GRIP1: variants seen among roughly 807,000 people sequenced by gnomAD.
The protein encoded by GRIP1 is glutamate receptor-interacting protein 1.
Under a neutral mutation model 129.9 loss-of-function variants are expected in GRIP1, and 45 were observed. The observed-to-expected ratio is 0.35, with a 90% CI of 0.27 to 0.44. The LOEUF (loss-of-function observed/expected upper bound fraction) is 0.44. Among genes scored for constraint, GRIP1 ranks in the 20% least tolerant of loss-of-function variants. GRIP1 has a pLI of 1.00. For missense variants in GRIP1, 1,196 were observed against 1,396.8 expected (o/e 0.86, Z 2.29); for synonymous variants, 530 against 520.8 (o/e 1.02, Z -0.24).
At chr12:66,719,551 G>A (rs1394699045) in intron 1 of GRIP1, among the ~76,000 whole-genome samples, 1 of 152,032 alleles carries the variant, frequency 6.6e-6, no homozygotes, top group African/African-American at 2.4e-5. Flanking sequence ...TTTCAGGGGA[G>A]GACTCAAAAG....
At chr12:67,046,525 C>G (rs1418658112) in intron 1 of GRIP1, among the ~76,000 whole-genome samples, 7 of 152,152 alleles carry the variant, frequency 4.6e-5, no homozygotes, top group African/African-American at 1.7e-4. Flanking sequence ...TTACATAGAA[C>G]ATAATAATAA....
chr12:66,793,142 T>C lies in GRIP1; in HGVS notation c.-420+10911A>G, dbSNP rs372048490. Among the ~76,000 whole-genome samples, 222 of 152,354 alleles carry C rather than the reference T, an allele frequency of 1.5e-3. 2 individuals are homozygous for C. Among genetic ancestry groups the C allele is most frequent in the African/African-American group, 5.1e-3 (212 of 41,580 alleles). On this transcript the variant is annotated intron_variant, in intron 1 of 4. Transcript: ENST00000538373. The stretch of plus-strand genomic sequence containing the variant: ...ACTCTCTGATCTTATGAAAGTTTTA[T>C]ACCCACATTCACATTTTTGTTTATA...
chr12:66,429,557 A>G (rs1216002411), intron 14 of GRIP1, among the ~76,000 whole-genome samples: 2 of 152,096 alleles, frequency 1.3e-5, no homozygotes, highest in Non-Finnish European at 1.5e-5. Context: ...TTAGCCAGGC[A>G]TGGTGGCTCA....
chr12:66,410,861 C>G (rs189140989), intron 15 of GRIP1, among the ~76,000 whole-genome samples: 48 of 152,274 alleles, frequency 3.2e-4, no homozygotes, highest in African/African-American at 1.0e-3. Flanking sequence ...TTATAGACCA[C>G]CTGCAGGAAT....
chr12:66,883,393 C>T (rs1426383223), intron 1 of GRIP1, among the ~76,000 whole-genome samples: 3 of 152,160 alleles, frequency 2.0e-5, no homozygotes, highest in African/African-American at 7.2e-5. Flanking sequence ...ACCCATGGTG[C>T]TCAATAAATC....
At chr12:66,837,222 C>G (rs1187975823) in intron 1 of GRIP1, among the ~76,000 whole-genome samples, 1 of 152,156 alleles carries the variant, frequency 6.6e-6, no homozygotes, top group Non-Finnish European at 1.5e-5. Flanking sequence ...CTGCGGGATG[C>G]AAACATAAAT....
At chr12:66,520,900 C>T (rs528226074) in intron 5 of GRIP1, among the ~76,000 whole-genome samples, 4 of 152,296 alleles carry the variant, frequency 2.6e-5, no homozygotes, top group East Asian at 3.9e-4. Flanking sequence ...AGAACCTTCT[C>T]GTTCAGATCT....
intron 1 of GRIP1, among the ~76,000 whole-genome samples, chr12:67,017,560 T>C (rs1232769512): frequency 6.6e-6 from 1 of 151,980 alleles, no homozygotes; most frequent in Admixed American, 6.6e-5. Flanking sequence ...CTCTTCCCTA[T>C]ATGTGCATGC....
At position 66,422,477 on chromosome 12, in the gene GRIP1, A is replaced by G. The variant is rs537682336; in HGVS notation, c.1769-1688T>C. 5.4e-4 allele frequency among the ~76,000 whole-genome samples: 82 copies of G among 152,336 alleles called. 1 individual carries two copies. Among genetic ancestry groups the G allele is most frequent in the African/African-American group, 1.9e-3 (81 of 41,574 alleles). The stretch of plus-strand genomic sequence containing the variant: ...AGGGCACAAAAACAAAAACTTTGTT[A>G]TTACCAGCAAGTACAGCTTTTCTAG... On this transcript the variant is annotated intron_variant, in intron 14 of 24. Coordinates refer to ENST00000359742, the MANE Select transcript of GRIP1 (RefSeq NM_001366722.1).
intron 1 of GRIP1, among the ~76,000 whole-genome samples, chr12:66,728,099 T>C (rs535613461): frequency 2.6e-5 from 4 of 152,176 alleles, no homozygotes; most frequent in Non-Finnish European, 2.9e-5. Flanking sequence ...TTGCCAAAGA[T>C]AAAAGATCCA....
chr12:66,538,408 C>A (rs748180994), intron 4 of GRIP1, among the ~76,000 whole-genome samples: 1 of 151,566 alleles, frequency 6.6e-6, no homozygotes, highest in Non-Finnish European at 1.5e-5. Context: ...GTTGCCCAGG[C>A]TGGTCTTCAA....
At chr12:66,521,808 C>T (rs1466118893) in intron 5 of GRIP1, among the ~76,000 whole-genome samples, 3 of 152,198 alleles carry the variant, frequency 2.0e-5, no homozygotes, top group Non-Finnish European at 4.4e-5. Context: ...CACCCTAATA[C>T]TGAGCTTTTC....
chr12:66,414,074 T>C (rs958869687), intron 15 of GRIP1, among the ~76,000 whole-genome samples: 3 of 152,008 alleles, frequency 2.0e-5, no homozygotes, highest in Non-Finnish European at 4.4e-5. Context: ...CTATTTAACA[T>C]AGTATATTGG....
chr12:66,476,683 T>A (rs1346293871), intron 7 of GRIP1, among the ~76,000 whole-genome samples: 1 of 152,132 alleles, frequency 6.6e-6, no homozygotes, highest in Non-Finnish European at 1.5e-5. Context: ...TCCACCATGA[T>A]CAAGTGGGCT....
intron 1 of GRIP1, among the ~76,000 whole-genome samples, chr12:66,627,946 G>A (rs936615008): frequency 6.6e-6 from 1 of 152,148 alleles, no homozygotes; most frequent in Non-Finnish European, 1.5e-5. Context: ...GAGGAGGCTA[G>A]GGGAGAAAGG....
intron 1 of GRIP1, among the ~76,000 whole-genome samples, chr12:67,034,855 T>C (rs78546292): frequency 1.3e-5 from 2 of 152,312 alleles, no homozygotes; most frequent in East Asian, 3.9e-4. Flanking sequence ...CAAAACCTCA[T>C]TATGCAGCAC....
intron 6 of GRIP1, among the ~76,000 whole-genome samples, chr12:66,517,138 G>C (rs768882820): frequency 6.6e-6 from 1 of 152,128 alleles, no homozygotes; most frequent in African/African-American, 2.4e-5. Context: ...GGAGGAATCA[G>C]TGCATTTTCC....
At chr12:66,959,337 C>T (rs918257155) in intron 1 of GRIP1, among the ~76,000 whole-genome samples, 2 of 151,980 alleles carry the variant, frequency 1.3e-5, no homozygotes, top group African/African-American at 4.8e-5. Context: ...CAATTTTGCA[C>T]ATGAACTAAA....
In GRIP1 at chr12:66,915,993, C is replaced by T. The variant is rs980734099; in HGVS notation, c.58+153057G>A. The stretch of plus-strand genomic sequence containing the variant: ...GCACCTGGCTGGTCCTTGAGAAGGG[C>T]TGAAGCATGCTTTTGTTGGGGGCAA... On this transcript the variant is annotated intron_variant, in intron 1 of 1. Coordinates refer to the GRIP1 transcript ENST00000643019. 2.6e-5 allele frequency among the ~76,000 whole-genome samples: 4 copies of T among 152,130 alleles called. No homozygotes were observed. In the South Asian group the frequency reaches 8.3e-4, roughly 31 times the overall value.
Sources: allele counts gnomAD v4.1 joint callset (sites outside exome capture counted in the v4.1 genomes callset), GRCh38; gene constraint gnomAD v4.1.1; transcripts MANE v1.5; gene names NCBI Gene and HGNC (gene_info 2026-07-23, HGNC 2026-07-21).